ICE1: variants seen among roughly 807,000 people sequenced by gnomAD.
ICE1 encodes the protein little elongation complex subunit 1.
Under a neutral mutation model 192.7 loss-of-function variants are expected in ICE1, and 64 were observed. The ratio of observed to expected loss-of-function variants is 0.33; its 90% CI spans 0.27 to 0.41. The LOEUF (loss-of-function observed/expected upper bound fraction) is 0.41. ICE1 is among the 10% of genes least tolerant of loss of function. ICE1 has a pLI of 1.00. For missense variants in ICE1, 2,708 were observed against 2,696.0 expected, an observed-to-expected ratio of 1.00 and a Z score of -0.10; for synonymous variants, 1,010 against 984.5, an observed-to-expected ratio of 1.03 and a Z score of -0.49.
chr5:5,446,222 C>T (rs963395615), intron 7 of ICE1, among the ~76,000 whole-genome samples: 11 of 152,100 alleles, frequency 7.2e-5, no homozygotes, highest in African/African-American at 2.2e-4. Flanking sequence ...TCTTGAACTC[C>T]TTGGCTTGAG....
intron 11 of ICE1, among the ~76,000 whole-genome samples, 184 bp from the exon 12 acceptor site, chr5:5,457,148 T>C (rs72646679): frequency 6.6e-6 from 1 of 152,234 alleles, no homozygotes; most frequent in Non-Finnish European, 1.5e-5. Context: ...AGCATACTTG[T>C]ATGAAATGTA....
intron 3 of ICE1, among the ~76,000 whole-genome samples, chr5:5,439,288 A>G (rs1303461587): frequency 6.6e-6 from 1 of 152,160 alleles, no homozygotes. Context: ...GTTTTTATGA[A>G]CGTACATGTC....
At position 5,486,830 on chromosome 5, in the gene ICE1, C is replaced by G; in HGVS notation, c.6619+11C>G. The G allele has an allele frequency of 6.4e-7, 1 of 1,559,754 alleles. No individual in the cohort carries two copies. Among genetic ancestry groups the G allele is most frequent in the Non-Finnish European group, 8.7e-7 (1 of 1,145,196 alleles). On this transcript the variant is annotated intron_variant, in intron 18 of 18. Coordinates refer to ENST00000296564, the MANE Select transcript of ICE1 (RefSeq NM_015325.3). ...ATGCTCACGATGAAGGTAAAACTTA[C>G]ATCTATTAAAATTACTTTTAAGTAA... is the stretch of plus-strand genomic sequence containing the variant.
At chr5:5,482,132 A>G (rs1395059900) in intron 17 of ICE1, among the ~76,000 whole-genome samples, 2 of 152,242 alleles carry the variant, frequency 1.3e-5, no homozygotes, top group African/African-American at 4.8e-5. Flanking sequence ...TTATTTAAAA[A>G]GAAGGATGTG....
At chr5:5,452,773 T>C (rs575742966) in intron 10 of ICE1, among the ~76,000 whole-genome samples, 31 of 152,206 alleles carry the variant, frequency 2.0e-4, no homozygotes, top group Admixed American at 1.5e-3. Context: ...ATTAAAGAAG[T>C]GTGGTATGGA....
At position 5,462,642 on chromosome 5, in the gene ICE1, G is replaced by A. The variant is rs773028482; in HGVS notation, c.3308G>A (p.Gly1103Glu). The A allele has an allele frequency of 1.9e-6, 3 of 1,613,854 alleles. No individual in the cohort carries two copies. Among genetic ancestry groups the A allele is most frequent in the Admixed American group, 1.7e-5 (1 of 59,988 alleles). ...TLHCYTGIRE[G>E]GDDTEVESEA... ...CATTGTTACACAGGCATTCGAGAGG[G>A]GGGAGACGACACTGAGGTAGAGAGT... Residue 1103 changes from glycine (G) to glutamate (E), a missense_variant, in exon 13 of 19, where the codon GGG becomes GAG. Around this residue, in one of 2 missense-constraint regions of ICE1, gnomAD observed 2,366 missense variants for 2,276.6 expected, o/e 1.04. Coordinates refer to ENST00000296564, the MANE Select transcript of ICE1 (RefSeq NM_015325.3).
At chr5:5,455,196 G>A (rs1738548743) in intron 11 of ICE1, among the ~76,000 whole-genome samples, 1 of 152,118 alleles carries the variant, frequency 6.6e-6, no homozygotes, top group Admixed American at 6.5e-5. Flanking sequence ...AGGTCATTGA[G>A]GTTCTAAATC....
rs745732669 is a variant in ICE1 at position 5,462,798 on chromosome 5, C to T, written c.3464C>T (p.Ala1155Val). 1.9e-6 allele frequency: 3 copies of T among 1,613,046 alleles called. No homozygotes were observed. In the African/African-American group the frequency reaches 4.0e-5, roughly 22 times the overall value. The change falls in exon 13 of 19, where the codon GCT becomes GTT. Residue 1155 changes from alanine (A) to valine (V), a missense_variant. Coordinates refer to ENST00000296564, the MANE Select transcript of ICE1 (RefSeq NM_015325.3). ...TTAGAGGTAGGTTATTTGACGTCAG[C>T]TCTGCAAGATTTTAACATAAGTACT... ...PSLEVGYLTS[A>V]LQDFNISTFS...
In ICE1 at chr5:5,464,159, G is replaced by T; in HGVS notation, c.4825G>T (p.Asp1609Tyr). ...SQTQTILANADTSTPTDCSPD... is the reference protein window; with the variant it reads ...SQTQTILANAYTSTPTDCSPD... The stretch of plus-strand genomic sequence containing the variant: ...AACTCAGACCATTTTAGCAAATGCT[G>T]ATACATCCACTCCTACAGATTGTTC... The change falls in exon 13 of 19, where the codon GAT (aspartate) becomes TAT (tyrosine). Residue 1609 changes from aspartate to tyrosine, a missense_variant. By Grantham distance (160) the Asp-to-Tyr change is radical (BLOSUM62 -3). Transcript: ENST00000296564. The surrounding 1 kb of genome is among the most constrained non-coding windows in gnomAD (Gnocchi z 4.0). 6.2e-7 allele frequency: 1 copy of T among 1,613,596 alleles called. No individual in the cohort carries two copies. The highest frequency in any genetic ancestry group is 1.7e-4 in the Middle Eastern group (1 of 6,060).
intron 1 of ICE1, among the ~76,000 whole-genome samples, chr5:5,434,942 C>A (rs1027997154): frequency 6.6e-6 from 1 of 152,188 alleles, no homozygotes; most frequent in Non-Finnish European, 1.5e-5. Context: ...AATTCTTAAT[C>A]TGTGAATTGA....
chr5:5,477,471 A>C (rs990988767), intron 17 of ICE1, among the ~76,000 whole-genome samples: 3 of 152,234 alleles, frequency 2.0e-5, no homozygotes, highest in African/African-American at 7.2e-5. Flanking sequence ...ACCAATAACA[A>C]GTTCTGAAAT....
chr5:5,463,367 A>C lies in ICE1; in HGVS notation c.4033A>C (p.Arg1345=). ...GMPQNENPQS[R]PEARSDAGRQ... The stretch of plus-strand genomic sequence containing the variant: ...GCCTCAGAATGAAAACCCTCAGAGC[A>C]GACCAGAGGCCCGTTCAGATGCAGG... Residue 1345 remains arginine (R), a synonymous_variant, in exon 13 of 19, where the codon AGA becomes CGA. Transcript: ENST00000296564. The C allele has an allele frequency of 6.2e-7, 1 of 1,613,860 alleles. No homozygotes were observed. The highest frequency in any genetic ancestry group is 1.1e-5 in the South Asian group (1 of 91,042).
chr5:5,445,278 C>T (rs1738180247), intron 7 of ICE1, among the ~76,000 whole-genome samples: 1 of 152,030 alleles, frequency 6.6e-6, no homozygotes, highest in Non-Finnish European at 1.5e-5. Context: ...AACAATTTTT[C>T]CTCTGGTTTG....
chr5:5,423,482 A>G (rs1197913168), intron 1 of ICE1, among the ~76,000 whole-genome samples: 2 of 152,226 alleles, frequency 1.3e-5, no homozygotes, highest in East Asian at 3.8e-4. Flanking sequence ...GAGGCGTTTC[A>G]GCTTATAGCA....
At chr5:5,430,942 G>A (rs139090265) in intron 1 of ICE1, among the ~76,000 whole-genome samples, 2,497 of 152,286 alleles carry the variant, frequency 0.016, 29 homozygotes, top group Non-Finnish European at 0.023. Flanking sequence ...ACTTTATATG[G>A]TGCATCTTAT....
intron 3 of ICE1, chr5:5,437,373 G>T: frequency 2.9e-6 from 1 of 350,338 alleles, no homozygotes; most frequent in Non-Finnish European, 5.2e-6. Flanking sequence ...TTAGTGGGTG[G>T]GTTTCTCTTA....
intron 16 of ICE1, among the ~76,000 whole-genome samples, chr5:5,474,350 C>T (rs149616587): frequency 1.3e-3 from 192 of 152,168 alleles, no homozygotes; most frequent in African/African-American, 4.1e-3. Flanking sequence ...TCTGGAGGGG[C>T]GGAGGGTGGC....
Position 5,464,085 on chromosome 5 carries a change from CTCAG to C in ICE1, c.4755_4758del (p.Gln1585HisfsTer20), listed in dbSNP as rs922046702. On this transcript the variant is annotated frameshift_variant, in exon 13 of 19. Transcript: ENST00000296564. LOFTEE classifies it high-confidence loss of function. The surrounding 1 kb of genome is among the most constrained non-coding windows in gnomAD (Gnocchi z 4.0). ...GTTGAAACTCATCAGAGTGAAGTTG[CTCAG>C]TCATTTTCAGGGGAAAAAGCTAATA... The C allele has an allele frequency of 1.2e-6, 2 of 1,613,570 alleles. No homozygotes were observed. Among genetic ancestry groups the C allele is most frequent in the African/African-American group, 1.3e-5 (1 of 75,040 alleles).
intron 17 of ICE1, among the ~76,000 whole-genome samples, chr5:5,483,555 T>C (rs1739564421): frequency 6.6e-6 from 1 of 152,184 alleles, no homozygotes; most frequent in Admixed American, 6.5e-5. Flanking sequence ...GAAACTGATC[T>C]CACTGCAGTG....
Sources: gnomAD v4.1 joint callset for allele counts (sites outside exome capture counted in the v4.1 genomes callset) on GRCh38, gnomAD v4.1.1 for gene constraint, gnomAD v4.1.1 regional missense constraint, Gnocchi (gnomAD v3.1) non-coding constraint, MANE v1.5 for transcripts, NCBI Gene and HGNC (gene_info 2026-07-23, HGNC 2026-07-21) for gene names.